Variants in XIRP2 observed in about 807,000 individuals in gnomAD.
XIRP2 encodes xin actin binding repeat containing 2, also known as xin actin-binding repeat-containing protein 2.
XIRP2 carries 236 observed loss-of-function variants against 277.0 expected under a neutral mutation model. The observed-to-expected ratio is 0.85, with a 90% CI of 0.77 to 0.95. The LOEUF (loss-of-function observed/expected upper bound fraction) is 0.95, where lower values mean the gene tolerates loss of function less well. Among genes scored for constraint, XIRP2 ranks in the 40% least tolerant of loss-of-function variants. XIRP2 has a pLI of 0.00. For synonymous variants in XIRP2, 1,490 were observed against 1,416.5 expected, an observed-to-expected ratio of 1.05 and a Z score of -1.17; for missense variants, 4,640 against 4,157.5, an observed-to-expected ratio of 1.12 and a Z score of -3.19.
chr2:166,903,777 G>T lies in XIRP2; in HGVS notation c.295G>T (p.Asp99Tyr), dbSNP rs1684446009. The T allele has an allele frequency of 6.2e-7, 1 of 1,613,670 alleles. No individual in the cohort carries two copies. Among genetic ancestry groups the T allele is most frequent in the Non-Finnish European group, 8.5e-7 (1 of 1,179,794 alleles). ...EYGRPEVLKE[D>Y]SLSSRRRIER... ...TGGTCGGCCAGAAGTGCTGAAGGAG[G>T]ATTCCCTGAGCAGTCGGCGCAGGAT... Residue 99 changes from aspartate to tyrosine, a missense_variant, in exon 2 of 11, where the codon GAT becomes TAT. Transcript: ENST00000409195.
At chr2:167,148,694 A>G (rs575368759) in intron 3 of XIRP2, among the ~76,000 whole-genome samples, 4 of 152,194 alleles carry the variant, frequency 2.6e-5, no homozygotes, top group African/African-American at 7.2e-5. Flanking sequence ...ACAACACAAA[A>G]TAGACACTTG....
chr2:167,008,094 T>C (rs1687555319), intron 2 of XIRP2, among the ~76,000 whole-genome samples: 2 of 151,570 alleles, frequency 1.3e-5, no homozygotes, highest in African/African-American at 4.8e-5. Context: ...GGAGCCATCC[T>C]TGGATTGAAT....
chr2:167,154,867 AAAG>A (rs1208962277), intron 3 of XIRP2, among the ~76,000 whole-genome samples: 4 of 152,132 alleles, frequency 2.6e-5, no homozygotes, highest in Admixed American at 2.6e-4. Flanking sequence ...ATAAAGAAGA[AAAG>A]AGAGAAGAAT....
intron 2 of XIRP2, among the ~76,000 whole-genome samples, chr2:166,914,471 G>C (rs888400812): frequency 2.6e-5 from 4 of 152,044 alleles, no homozygotes; most frequent in African/African-American, 7.2e-5. Flanking sequence ...CTCCCGAGTA[G>C]CTGGGACTAC....
At chr2:166,974,472 C>CAT (rs780935423) in intron 2 of XIRP2, among the ~76,000 whole-genome samples, 13 of 151,768 alleles carry the variant, frequency 8.6e-5, no homozygotes, top group Non-Finnish European at 1.8e-4. Context: ...TATATATACA[C>CAT]ATATATACAT....
intron 1 of XIRP2, among the ~76,000 whole-genome samples, chr2:166,902,302 G>A (rs1684405314): frequency 6.6e-6 from 1 of 152,036 alleles, no homozygotes; most frequent in South Asian, 2.1e-4. Context: ...CACAAAGTTT[G>A]TTTCTTGTAT....
chr2:167,085,813 T>C (rs1219111796), intron 2 of XIRP2, among the ~76,000 whole-genome samples: 5 of 151,990 alleles, frequency 3.3e-5, no homozygotes, highest in South Asian at 2.1e-4. Flanking sequence ...TCCTCCATCC[T>C]TTTATTTTGA....
At position 167,212,527 on chromosome 2, in the gene XIRP2, C is replaced by CAA. The variant is rs201249620; in HGVS notation, c.723+1632_723+1633insAA. Among the ~76,000 whole-genome samples the CAA allele has an allele frequency of 3.2e-3, 494 of 152,212 alleles. 20 individuals are homozygous for CAA. In the East Asian group the frequency reaches 0.067, roughly 21 times the overall value. On this transcript the variant is annotated intron_variant, in intron 4 of 10. Coordinates refer to ENST00000409195, the MANE Select transcript of XIRP2 (RefSeq NM_152381.6). ...TAATACAAAATCAAAAACTTTAGGG[C>CAA]TAATCTCAAAATGTCTACATATAAA...
chr2:167,081,929 A>T (rs1250254126), intron 2 of XIRP2, among the ~76,000 whole-genome samples: 2 of 143,846 alleles, frequency 1.4e-5, no homozygotes, highest in Non-Finnish European at 3.0e-5. Flanking sequence ...ACTTATATCC[A>T]CTTAACCATG....
chr2:167,235,034 C>T (rs1400672490), intron 5 of XIRP2, among the ~76,000 whole-genome samples: 1 of 151,772 alleles, frequency 6.6e-6, no homozygotes, highest in Admixed American at 6.6e-5. Context: ...GAATCCTTAC[C>T]TCTGTGTATG....
chr2:166,908,094 T>C (rs1188720229), intron 2 of XIRP2, among the ~76,000 whole-genome samples: 1 of 152,176 alleles, frequency 6.6e-6, no homozygotes, highest in African/African-American at 2.4e-5. Context: ...TATGTCTTTA[T>C]AGCAGCATGA....
At chr2:167,166,888 C>A (rs1692538178) in intron 3 of XIRP2, among the ~76,000 whole-genome samples, 1 of 152,180 alleles carries the variant, frequency 6.6e-6, no homozygotes, top group African/African-American at 2.4e-5. Context: ...CAACTATGTT[C>A]TTACTGATTT....
intron 2 of XIRP2, among the ~76,000 whole-genome samples, chr2:167,059,731 T>C (rs1422657455): frequency 1.3e-5 from 2 of 152,180 alleles, no homozygotes; most frequent in Non-Finnish European, 2.9e-5. Flanking sequence ...GATTGTTACA[T>C]TGGAGACTTC....
At chr2:167,007,586 G>A (rs1315726010) in intron 2 of XIRP2, among the ~76,000 whole-genome samples, 3 of 151,394 alleles carry the variant, frequency 2.0e-5, no homozygotes, top group Non-Finnish European at 4.4e-5. Context: ...TAAGTTGTAT[G>A]TACTGGGGGG....
At chr2:167,133,412 A>G (rs1238482629) in intron 2 of XIRP2, among the ~76,000 whole-genome samples, 1 of 152,156 alleles carries the variant, frequency 6.6e-6, no homozygotes, top group East Asian at 1.9e-4. Context: ...GGGCTTGAAA[A>G]TAAGTCCACT....
At chr2:167,022,520 A>T (rs1468048538) in intron 2 of XIRP2, among the ~76,000 whole-genome samples, 2 of 152,104 alleles carry the variant, frequency 1.3e-5, no homozygotes, top group African/African-American at 4.8e-5. Context: ...ACCTATGTAT[A>T]CATGTGCCAT....
Position 167,250,307 on chromosome 2 carries a change from G to A in XIRP2, c.8915G>A (p.Gly2972Asp). 6.2e-7 allele frequency: 1 copy of A among 1,613,058 alleles called. No homozygotes were observed. Among genetic ancestry groups the A allele is most frequent in the South Asian group, 1.1e-5 (1 of 90,918 alleles). The change falls in exon 9 of 11, where the codon GGC becomes GAC. Residue 2972 changes from glycine to aspartate, a missense_variant. By Grantham distance (94) the Gly-to-Asp change is moderately conservative (BLOSUM62 -1). Coordinates refer to ENST00000409195, the MANE Select transcript of XIRP2 (RefSeq NM_152381.6). Reference protein sequence around the residue: ...KQFEAEPNKSGLKTFQTLLNT... With the variant: ...KQFEAEPNKSDLKTFQTLLNT... ...TTTGAAGCAGAGCCAAATAAAAGTG[G>A]CCTTAAAACATTTCAGACACTATTA... is the stretch of plus-strand genomic sequence containing the variant.
At chr2:167,212,835 G>A (rs1400555762) in intron 4 of XIRP2, among the ~76,000 whole-genome samples, 1 of 151,786 alleles carries the variant, frequency 6.6e-6, no homozygotes, top group Non-Finnish European at 1.5e-5. Context: ...AATATCTAAA[G>A]CAAAGCAAAA....
chr2:167,048,622 A>T (rs1194532083), intron 2 of XIRP2, among the ~76,000 whole-genome samples: 1 of 151,834 alleles, frequency 6.6e-6, no homozygotes, highest in African/African-American at 2.4e-5. Context: ...ATCCTTTAGG[A>T]CACAGAAGAC....
Sources: allele counts gnomAD v4.1 joint callset (sites outside exome capture counted in the v4.1 genomes callset), GRCh38; gene constraint gnomAD v4.1.1; transcripts MANE v1.5; gene names NCBI Gene and HGNC (gene_info 2026-07-23, HGNC 2026-07-21).